Variants in RREB1 observed in about 807,000 individuals in gnomAD.
The protein encoded by RREB1 is ras-responsive element-binding protein 1.
RREB1 carries 27 observed loss-of-function variants against 117.8 expected under a neutral mutation model. That is an observed-to-expected ratio of 0.23 (90% CI 0.17 to 0.32). The LOEUF (loss-of-function observed/expected upper bound fraction) is 0.32, where lower values mean the gene tolerates loss of function less well. Ranked by LOEUF, RREB1 falls within the 10% of genes least tolerant of loss-of-function variation. The pLI, the probability that RREB1 is intolerant of heterozygous loss-of-function variation, is 1.00. For synonymous variants in RREB1, 1,298 were observed against 1,026.7 expected, an observed-to-expected ratio of 1.26 and a Z score of -5.05; for missense variants, 2,577 against 2,378.2, an observed-to-expected ratio of 1.08 and a Z score of -1.74.
At chr6:7,182,564 A>C (rs1764865283) in intron 4 of RREB1, among the ~76,000 whole-genome samples, 1 of 151,982 alleles carries the variant, frequency 6.6e-6, no homozygotes, top group South Asian at 2.1e-4. Flanking sequence ...TTGGATTTTC[A>C]TTGGGCATCA....
At chr6:7,113,943 G>A (rs777680958) in intron 1 of RREB1, among the ~76,000 whole-genome samples, 1 of 152,104 alleles carries the variant, frequency 6.6e-6, no homozygotes, top group Non-Finnish European at 1.5e-5. Context: ...GGAAGAAAGT[G>A]GTATATTTTG....
At position 7,248,600 on chromosome 6, in the gene RREB1, A is replaced by G; in HGVS notation, c.4861A>G (p.Arg1621Gly). 1 of 1,614,270 alleles carries G rather than the reference A, an allele frequency of 6.2e-7. No individual in the cohort carries two copies. Among genetic ancestry groups the G allele is most frequent in the South Asian group, 1.1e-5 (1 of 91,092 alleles). Residue 1621 changes from arginine to glycine, a missense_variant, in exon 13 of 13, where the codon AGG (arginine) becomes GGG (glycine). Coordinates refer to ENST00000379938, the MANE Select transcript of RREB1 (RefSeq NM_001003699.4). ...CCACCAGCGGATCCACCAGAAAGCCAGGCATGCCAAACACCACGGGAAGGA... is the reference window on the plus strand; with the variant it reads ...CCACCAGCGGATCCACCAGAAAGCCGGGCATGCCAAACACCACGGGAAGGA... ...VRHQRIHQKA[R>G]HAKHHGKDSD... is the part of the protein sequence containing the mutation.
chr6:7,155,040 G>A (rs887894073), intron 1 of RREB1, among the ~76,000 whole-genome samples: 4 of 152,108 alleles, frequency 2.6e-5, no homozygotes, highest in East Asian at 3.9e-4. Context: ...TGTTAGGGGC[G>A]GAACGAAGGG....
chr6:7,230,103 C>T lies in RREB1; in HGVS notation c.2004C>T (p.Ile668=), dbSNP rs1446127660. The part of the protein sequence containing the change: ...LRAHVRSHLG[I]SPYQCNICDY... ...CCCACGTGCGCTCCCACCTGGGCAT[C>T]TCGCCATACCAGTGCAACATCTGCG... is the stretch of plus-strand genomic sequence containing the variant. Residue 668 remains isoleucine, a synonymous_variant, in exon 10 of 13, where the codon ATC becomes ATT. Transcript: ENST00000379938. The T allele has an allele frequency of 6.2e-7, 1 of 1,600,526 alleles. No homozygotes were observed.
At chr6:7,146,941 T>C (rs1297811033) in intron 1 of RREB1, among the ~76,000 whole-genome samples, 1 of 152,210 alleles carries the variant, frequency 6.6e-6, no homozygotes, top group Non-Finnish European at 1.5e-5. Flanking sequence ...TGCATCTGTT[T>C]TAGAATGAAA....
At position 7,231,459 on chromosome 6, in the gene RREB1, C is replaced by A. The variant is rs775833414; in HGVS notation, c.3360C>A (p.Thr1120=). The A allele has an allele frequency of 7.4e-6, 12 of 1,613,220 alleles. No individual in the cohort carries two copies. Among genetic ancestry groups the A allele is most frequent in the Non-Finnish European group, 8.5e-6 (10 of 1,179,840 alleles). ...CCACCACCGCCACCCCCGCTGCCAC[C>A]ACCAGCCCAAAAGAGTCTAGTGAGC... ...KAATTATPAA[T]TSPKESSEPP... Residue 1120 remains threonine, a synonymous_variant, in exon 10 of 13, where the codon ACC becomes ACA. Transcript: ENST00000379938.
chr6:7,166,203 A>G (rs755940305), intron 1 of RREB1, among the ~76,000 whole-genome samples: 1 of 152,064 alleles, frequency 6.6e-6, no homozygotes, highest in Non-Finnish European at 1.5e-5. Flanking sequence ...CCTCCTTCCA[A>G]GGTGCCTCTG....
At chr6:7,191,033 A>G (rs565526490) in intron 6 of RREB1, among the ~76,000 whole-genome samples, 100 of 152,358 alleles carry the variant, frequency 6.6e-4, no homozygotes, top group Non-Finnish European at 1.3e-3. Flanking sequence ...GGTAGGCCCA[A>G]TCACTCCTGA....
At position 7,186,459 on chromosome 6, in the gene RREB1, C is replaced by T. The variant is rs189602238; in HGVS notation, c.172-975C>T. ...GTTAAATGCATAGAAACCAACCCCC[C>T]AGGTGATTCTGCTGATCTTCAGAAA... On this transcript the variant is annotated intron_variant, in intron 4 of 12. Transcript: ENST00000379938. Among the ~76,000 whole-genome samples, 380 of 152,332 alleles carry T rather than the reference C, an allele frequency of 2.5e-3. 1 individual carries two copies. Among genetic ancestry groups the T allele is most frequent in the Non-Finnish European group, 3.7e-3 (252 of 68,032 alleles).
At chr6:7,184,207 C>T (rs1283627187) in intron 4 of RREB1, among the ~76,000 whole-genome samples, 1 of 151,830 alleles carries the variant, frequency 6.6e-6, no homozygotes, top group Non-Finnish European at 1.5e-5. Flanking sequence ...AAACAGAATT[C>T]TCCAGGAGGG....
intron 1 of RREB1, among the ~76,000 whole-genome samples, chr6:7,130,374 G>C (rs375557598): frequency 1.3e-5 from 2 of 152,080 alleles, no homozygotes; most frequent in Non-Finnish European, 2.9e-5. Context: ...TAATCCACGC[G>C]CTCTGGACGT....
At chr6:7,206,026 A>C (rs540623929) in intron 6 of RREB1, among the ~76,000 whole-genome samples, 4 of 152,300 alleles carry the variant, frequency 2.6e-5, no homozygotes, top group African/African-American at 4.8e-5. Flanking sequence ...ATAGGATAAA[A>C]CTTCTCTTGA....
chr6:7,168,672 A>G (rs1009083415), intron 1 of RREB1, among the ~76,000 whole-genome samples: 1 of 152,170 alleles, frequency 6.6e-6, no homozygotes, highest in African/African-American at 2.4e-5. Context: ...CCCCTCTTCC[A>G]CACACCAGTC....
chr6:7,204,545 A>C (rs529119726), intron 6 of RREB1, among the ~76,000 whole-genome samples: 97 of 152,300 alleles, frequency 6.4e-4, no homozygotes, highest in Non-Finnish European at 1.1e-3. Flanking sequence ...GACAAAAAAA[A>C]GCGAGCACCA....
chr6:7,128,561 C>T (rs1232256322), intron 1 of RREB1, among the ~76,000 whole-genome samples: 1 of 152,178 alleles, frequency 6.6e-6, no homozygotes, highest in African/African-American at 2.4e-5. Flanking sequence ...TTTCTGAGAT[C>T]ATGCAGCCAG....
At position 7,119,149 on chromosome 6, in the gene RREB1, G is replaced by T. The variant is rs1761551298; in HGVS notation, c.-285+11089G>T. 2.0e-5 allele frequency among the ~76,000 whole-genome samples: 3 copies of T among 151,966 alleles called. No homozygotes were observed. The South Asian group carries it at 6.2e-4, about 32-fold the overall frequency. The stretch of plus-strand genomic sequence containing the variant: ...CACGCCTGTAATCCCAGCACTTTGG[G>T]AGACCAGCCTGGCTAGTATGGTGAA... On this transcript the variant is annotated intron_variant, in intron 1 of 12. Coordinates refer to ENST00000379938, the MANE Select transcript of RREB1 (RefSeq NM_001003699.4).
intron 10 of RREB1, among the ~76,000 whole-genome samples, chr6:7,236,816 A>G (rs1176291376): frequency 1.4e-5 from 2 of 147,492 alleles, no homozygotes; most frequent in African/African-American, 5.1e-5. Context: ...TCTTGCCCCA[A>G]TGTCCTTCTT....
chr6:7,108,316 T>TCCTCCTCC (rs1760932921), intron 1 of RREB1, among the ~76,000 whole-genome samples: 3 of 148,060 alleles, frequency 2.0e-5, no homozygotes, highest in Non-Finnish European at 1.5e-5. Flanking sequence ...CGCCGGGCCA[T>TCCTCCTCC]TCCTCCTCCT....
intron 1 of RREB1, among the ~76,000 whole-genome samples, chr6:7,109,720 C>T (rs780719452): frequency 6.6e-6 from 1 of 152,240 alleles, no homozygotes; most frequent in African/African-American, 2.4e-5. Context: ...GAGCCCAGAT[C>T]CGGACGAGCA....
Sources: gnomAD v4.1 joint callset for allele counts (sites outside exome capture counted in the v4.1 genomes callset) on GRCh38, gnomAD v4.1.1 for gene constraint, MANE v1.5 for transcripts, NCBI Gene and HGNC (gene_info 2026-07-23, HGNC 2026-07-21) for gene names.